The following INPP4B variants were observed in gnomAD, a reference collection of about 807,000 sequenced individuals.
INPP4B encodes inositol polyphosphate-4-phosphatase type II B, also known as inositol polyphosphate 4-phosphatase type II.
Under a neutral mutation model 122.5 loss-of-function variants are expected in INPP4B, and 55 were observed. The observed-to-expected ratio is 0.45, with a 90% CI of 0.36 to 0.56. The LOEUF (loss-of-function observed/expected upper bound fraction) is 0.56. Ranked by LOEUF, INPP4B falls within the 20% of genes least tolerant of loss-of-function variation. The pLI, the probability that INPP4B is intolerant of heterozygous loss-of-function variation, is 0.00. For missense variants in INPP4B, 1,000 were observed against 1,097.7 expected, an observed-to-expected ratio of 0.91 and a Z score of 1.26; for synonymous variants, 403 against 388.7, an observed-to-expected ratio of 1.04 and a Z score of -0.43.
At chr4:142,612,297 C>T (rs954076169) in intron 2 of INPP4B, among the ~76,000 whole-genome samples, 1 of 152,178 alleles carries the variant, frequency 6.6e-6, no homozygotes, top group African/African-American at 2.4e-5. Flanking sequence ...AATATTAAGA[C>T]TCTTGCTTAT....
chr4:142,038,193 T>G (rs183378784), intron 25 of INPP4B, among the ~76,000 whole-genome samples: 3 of 152,250 alleles, frequency 2.0e-5, no homozygotes, highest in East Asian at 3.9e-4. Flanking sequence ...TTTCAAAAAC[T>G]GCAACTATTT....
At chr4:142,694,384 CAAAAAAGA>C (rs1760721340) in intron 2 of INPP4B, among the ~76,000 whole-genome samples, 1 of 144,012 alleles carries the variant, frequency 6.9e-6, no homozygotes, top group African/African-American at 2.5e-5. Context: ...AAAAAAAAAA[CAAAAAAGA>C]AAAAAAGAAA....
chr4:142,148,258 C>T (rs1369374358), intron 17 of INPP4B, among the ~76,000 whole-genome samples: 1 of 151,856 alleles, frequency 6.6e-6, no homozygotes, highest in African/African-American at 2.4e-5. Flanking sequence ...TGTGTGTGTG[C>T]ACTTGCGCAT....
intron 2 of INPP4B, among the ~76,000 whole-genome samples, chr4:142,464,234 T>G (rs1817294670): frequency 6.6e-6 from 1 of 152,162 alleles, no homozygotes; most frequent in Non-Finnish European, 1.5e-5. Flanking sequence ...TTTCTCTATT[T>G]TATTATCAGG....
At chr4:142,619,720 T>C (rs138196363) in intron 2 of INPP4B, among the ~76,000 whole-genome samples, 1 of 152,120 alleles carries the variant, frequency 6.6e-6, no homozygotes, top group Non-Finnish European at 1.5e-5. Context: ...AATACTGTAT[T>C]ATCCGCTTAG....
intron 3 of INPP4B, among the ~76,000 whole-genome samples, chr4:142,434,365 C>T (rs949134578): frequency 6.6e-6 from 1 of 152,086 alleles, no homozygotes; most frequent in Non-Finnish European, 1.5e-5. Context: ...GGGAGGAGAA[C>T]TCACTGGTGG....
intron 25 of INPP4B, among the ~76,000 whole-genome samples, chr4:142,032,228 G>T (rs773142121): frequency 1.6e-4 from 25 of 152,072 alleles, no homozygotes; most frequent in Non-Finnish European, 3.7e-4. Context: ...TACTGAGAGG[G>T]TGTTTTCTGC....
At chr4:142,138,597 G>T (rs7692727) in intron 18 of INPP4B, among the ~76,000 whole-genome samples, 4,338 of 152,146 alleles carry the variant, frequency 0.029, 195 homozygotes, top group African/African-American at 0.099. Flanking sequence ...GAGGATCTCA[G>T]ATAGAGATCA....
At chr4:142,079,710 C>T (rs1022525728) in intron 25 of INPP4B, among the ~76,000 whole-genome samples, 1 of 152,068 alleles carries the variant, frequency 6.6e-6, no homozygotes, top group Non-Finnish European at 1.5e-5. Flanking sequence ...TGTGATGCTT[C>T]CATAATTAAC....
intron 2 of INPP4B, among the ~76,000 whole-genome samples, chr4:142,637,322 G>C (rs1053038009): frequency 2.0e-5 from 3 of 151,706 alleles, no homozygotes; most frequent in Admixed American, 1.3e-4. Context: ...ATTGCCCCCC[G>C]CAAAAAAATT....
intron 9 of INPP4B, among the ~76,000 whole-genome samples, chr4:142,275,309 G>A (rs887810605): frequency 3.3e-5 from 5 of 151,752 alleles, no homozygotes; most frequent in South Asian, 2.1e-4. Context: ...ATAACTTCTC[G>A]ATTTTGGAAA....
At chr4:142,481,557 TATA>T (rs1318303089) in intron 2 of INPP4B, among the ~76,000 whole-genome samples, 2 of 152,174 alleles carry the variant, frequency 1.3e-5, no homozygotes, top group Non-Finnish European at 2.9e-5. Context: ...TTAGAGATTT[TATA>T]ATATTTTTAT....
chr4:142,776,326 C>A (rs999864223), intron 1 of INPP4B, among the ~76,000 whole-genome samples: 3 of 152,232 alleles, frequency 2.0e-5, no homozygotes, highest in African/African-American at 7.2e-5. Context: ...TACCAAGGAT[C>A]TCACTGAAAT....
In INPP4B at chr4:142,128,744, C is replaced by T. The variant is rs1799850245; in HGVS notation, c.1721-3984G>A. 2.6e-5 allele frequency among the ~76,000 whole-genome samples: 4 copies of T among 152,152 alleles called. No homozygotes were observed. In the South Asian group the frequency reaches 8.3e-4, roughly 32 times the overall value. ...GCTTCTCCGGCATATTCAAGGGAAG[C>T]TCACTGAAGGATTCAGAGAACGGCT... is the stretch of plus-strand genomic sequence containing the variant. On this transcript the variant is annotated intron_variant, in intron 18 of 25. Transcript: ENST00000262992.
chr4:142,804,864 G>T (rs11723982), intron 1 of INPP4B, among the ~76,000 whole-genome samples: 45,942 of 151,774 alleles, frequency 0.3, 7,125 homozygotes, highest in South Asian at 0.41. Flanking sequence ...ATGGGGTTTC[G>T]CCATGTTGCC....
At chr4:142,144,631 C>T (rs563697127) in intron 18 of INPP4B, among the ~76,000 whole-genome samples, 5 of 152,162 alleles carry the variant, frequency 3.3e-5, no homozygotes, top group Admixed American at 2.6e-4. Flanking sequence ...AAAATCCCTA[C>T]ATACAGTTAG....
intron 11 of INPP4B, among the ~76,000 whole-genome samples, chr4:142,243,649 G>A (rs1407557385): frequency 6.6e-6 from 1 of 152,068 alleles, no homozygotes; most frequent in Non-Finnish European, 1.5e-5. Context: ...ATTTGACAAA[G>A]TAGTGAATTT....
intron 1 of INPP4B, among the ~76,000 whole-genome samples, chr4:142,844,527 T>G (rs969130535): frequency 6.6e-6 from 1 of 152,242 alleles, no homozygotes; most frequent in Non-Finnish European, 1.5e-5. Flanking sequence ...TCAATGCCCA[T>G]GTACCTTTCA....
intron 2 of INPP4B, among the ~76,000 whole-genome samples, chr4:142,586,834 A>G (rs972993669): frequency 2.0e-5 from 3 of 152,162 alleles, no homozygotes; most frequent in African/African-American, 7.2e-5. Flanking sequence ...TGAAGAATGT[A>G]TTTGAACTAG....
Sources: gnomAD v4.1 joint callset for allele counts (sites outside exome capture counted in the v4.1 genomes callset) on GRCh38, gnomAD v4.1.1 for gene constraint, MANE v1.5 for transcripts, NCBI Gene and HGNC (gene_info 2026-07-23, HGNC 2026-07-21) for gene names.